Variants in FRMD6 observed in about 807,000 individuals in gnomAD.
FRMD6 encodes FERM domain-containing protein 6.
FRMD6 carries 37 observed loss-of-function variants against 73.2 expected under a neutral mutation model. That is an observed-to-expected ratio of 0.51 (90% CI 0.39 to 0.66). The LOEUF is 0.66. Ranked by LOEUF, FRMD6 falls within the 30% of genes least tolerant of loss-of-function variation. The pLI is 0.00. For missense variants in FRMD6, 714 were observed against 780.5 expected, an observed-to-expected ratio of 0.91 and a Z score of 1.02; for synonymous variants, 273 against 282.2, an observed-to-expected ratio of 0.97 and a Z score of 0.33.
chr14:51,613,608 A>G (rs1594604064), intron 2 of FRMD6, among the ~76,000 whole-genome samples: 1 of 152,148 alleles, frequency 6.6e-6, no homozygotes, highest in East Asian at 1.9e-4. Context: ...TCCAAATGTA[A>G]TCCAAGGACA....
intron 2 of FRMD6, among the ~76,000 whole-genome samples, chr14:51,690,316 G>A (rs968058809): frequency 6.6e-6 from 1 of 152,122 alleles, no homozygotes; most frequent in African/African-American, 2.4e-5. Context: ...AAGTAATTGT[G>A]GCTTTCGCCA....
At chr14:51,604,633 C>A (rs1407036698) in intron 2 of FRMD6, among the ~76,000 whole-genome samples, 1 of 152,116 alleles carries the variant, frequency 6.6e-6, no homozygotes, top group Non-Finnish European at 1.5e-5. Flanking sequence ...AGAGAAAGTT[C>A]TATGGCCCAT....
At chr14:51,615,471 G>T (rs1205663175) in intron 2 of FRMD6, among the ~76,000 whole-genome samples, 11 of 152,082 alleles carry the variant, frequency 7.2e-5, no homozygotes, top group Non-Finnish European at 4.4e-5. Flanking sequence ...AATGTCCCAA[G>T]AATTGCCCCA....
chr14:51,692,522 CACCTT>C (rs1401617006), intron 2 of FRMD6, among the ~76,000 whole-genome samples: 1 of 151,830 alleles, frequency 6.6e-6, no homozygotes, highest in Non-Finnish European at 1.5e-5. Flanking sequence ...TGTGGAACAA[CACCTT>C]ACCACATTTA....
At chr14:51,428,610 G>A in the FRMD6 span, among the ~76,000 whole-genome samples, 1 of 152,104 alleles carries the variant, frequency 6.6e-6, no homozygotes, top group African/African-American at 2.4e-5. Context: ...GAGAATCTTG[G>A]GGGTTGTGGG....
At chr14:51,480,722 C>A in the FRMD6 span, among the ~76,000 whole-genome samples, 5 of 152,054 alleles carry the variant, frequency 3.3e-5, no homozygotes, top group Admixed American at 1.3e-4. Flanking sequence ...TTAGTTTCCT[C>A]CTGGGTAAAA....
At chr14:51,563,118 T>G (rs1269834859) in intron 1 of FRMD6, among the ~76,000 whole-genome samples, 3 of 152,172 alleles carry the variant, frequency 2.0e-5, no homozygotes, top group African/African-American at 7.2e-5. Context: ...GAGCCAGACT[T>G]CTTCCACGGT....
chr14:51,483,183 G>A, the FRMD6 span, among the ~76,000 whole-genome samples: 3 of 152,148 alleles, frequency 2.0e-5, no homozygotes, highest in African/African-American at 7.2e-5. Flanking sequence ...TTTGATTGAA[G>A]AATTCATTCA....
At chr14:51,569,024 T>G (rs1887945417) in intron 1 of FRMD6, among the ~76,000 whole-genome samples, 1 of 152,074 alleles carries the variant, frequency 6.6e-6, no homozygotes, top group Non-Finnish European at 1.5e-5. Context: ...TTTTGTATTT[T>G]TGGTAGAGAC....
At chr14:51,625,288 T>C (rs1891074126) in intron 2 of FRMD6, among the ~76,000 whole-genome samples, 1 of 152,072 alleles carries the variant, frequency 6.6e-6, no homozygotes, top group African/African-American at 2.4e-5. Context: ...GAGGAGGTGG[T>C]GGTTATATAT....
chr14:51,695,104 C>T (rs1403091736), intron 2 of FRMD6, among the ~76,000 whole-genome samples: 1 of 151,910 alleles, frequency 6.6e-6, no homozygotes, highest in Non-Finnish European at 1.5e-5. Flanking sequence ...ATTTCCTATA[C>T]ATTTAGTTTG....
At chr14:51,452,360 C>T in the FRMD6 span, among the ~76,000 whole-genome samples, 1 of 152,186 alleles carries the variant, frequency 6.6e-6, no homozygotes, top group African/African-American at 2.4e-5. Context: ...TTGAGAGTCC[C>T]ACATCCTCAG....
intron 1 of FRMD6, among the ~76,000 whole-genome samples, chr14:51,689,267 T>C (rs4502131): frequency 0.1 from 15,739 of 152,284 alleles, 1,083 homozygotes; most frequent in Non-Finnish European, 0.16. Context: ...AGAATGAATG[T>C]AATGTAAGAG....
the FRMD6 span, among the ~76,000 whole-genome samples, chr14:51,419,608 T>C: frequency 1.3e-5 from 2 of 152,360 alleles, no homozygotes; most frequent in African/African-American, 4.8e-5. Context: ...AGTTCCCAGC[T>C]TGACTTTTCC....
chr14:51,702,573 A>G lies in FRMD6; in HGVS notation c.356A>G (p.Asn119Ser). 4.3e-6 allele frequency: 7 copies of G among 1,611,828 alleles called. No individual in the cohort carries two copies. The highest frequency in any genetic ancestry group is 5.9e-6 in the Non-Finnish European group (7 of 1,178,402). The change falls in exon 5 of 14, where the codon AAT becomes AGT. Residue 119 changes from asparagine to serine, a missense_variant. Coordinates refer to ENST00000344768, the MANE Select transcript of FRMD6 (RefSeq NM_001267046.2). Reference sequence around the variant, plus strand: ...TTCCGTGTGCAGTACTATGTGGAAAATGGCAGATTGATCAGGTAAGAGGAC... The same window carrying G: ...TTCCGTGTGCAGTACTATGTGGAAAGTGGCAGATTGATCAGGTAAGAGGAC... ...IHFRVQYYVE[N>S]GRLISDRAAR...
At chr14:51,595,264 G>A (rs1464446938) in intron 2 of FRMD6, among the ~76,000 whole-genome samples, 1 of 152,158 alleles carries the variant, frequency 6.6e-6, no homozygotes, top group Non-Finnish European at 1.5e-5. Flanking sequence ...TTAGGCTAAG[G>A]CATTATTGAC....
intron 1 of FRMD6, among the ~76,000 whole-genome samples, chr14:51,685,035 A>G (rs1400809307): frequency 3.9e-5 from 6 of 152,154 alleles, no homozygotes; most frequent in Non-Finnish European, 7.4e-5. Flanking sequence ...GAGAGGGGAA[A>G]TAGATCCCAC....
At chr14:51,545,625 C>T (rs1049894778) in intron 1 of FRMD6, among the ~76,000 whole-genome samples, 10 of 152,008 alleles carry the variant, frequency 6.6e-5, no homozygotes, top group Admixed American at 5.2e-4. Flanking sequence ...CACTGCCTCC[C>T]GGGTAAGTTT....
chr14:51,672,096 A>C (rs775386329), intron 1 of FRMD6, among the ~76,000 whole-genome samples: 4 of 152,216 alleles, frequency 2.6e-5, no homozygotes, highest in Non-Finnish European at 5.9e-5. Flanking sequence ...TGGCTTTACC[A>C]GTATGATCCT....
Sources: allele counts gnomAD v4.1 joint callset (sites outside exome capture counted in the v4.1 genomes callset), GRCh38; gene constraint gnomAD v4.1.1; transcripts MANE v1.5; gene names NCBI Gene and HGNC (gene_info 2026-07-23, HGNC 2026-07-21).